MTUS2: variants seen among roughly 807,000 people sequenced by gnomAD.
MTUS2 encodes microtubule associated scaffold protein 2, also known as microtubule-associated tumor suppressor candidate 2.
MTUS2 carries 40 observed loss-of-function variants against 114.1 expected under a neutral mutation model. The observed-to-expected ratio is 0.35, with a 90% CI of 0.27 to 0.46. The LOEUF is 0.46. MTUS2 is among the 20% of genes least tolerant of loss of function. MTUS2 has a pLI of 1.00. For synonymous variants in MTUS2, 688 were observed against 672.0 expected, an observed-to-expected ratio of 1.02 and a Z score of -0.37; for missense variants, 1,679 against 1,705.4, an observed-to-expected ratio of 0.98 and a Z score of 0.27.
At chr13:29,093,437 A>G (rs1480783933) in intron 4 of MTUS2, among the ~76,000 whole-genome samples, 3 of 152,168 alleles carry the variant, frequency 2.0e-5, no homozygotes, top group Non-Finnish European at 2.9e-5. Context: ...GCAACACTCC[A>G]TCTCAAAAAA....
chr13:29,050,253 A>C (rs897323175), intron 4 of MTUS2, among the ~76,000 whole-genome samples: 5 of 152,110 alleles, frequency 3.3e-5, no homozygotes, highest in Non-Finnish European at 4.4e-5. Context: ...CTAGATACCC[A>C]ATCAGTTTTA....
At position 29,465,744 on chromosome 13, in the gene MTUS2, C is replaced by T. The variant is rs74983207; in HGVS notation, c.3185-14406C>T. On this transcript the variant is annotated intron_variant, in intron 9 of 15. Coordinates refer to ENST00000612955, the MANE Select transcript of MTUS2 (RefSeq NM_001033602.4). ...TTGGCAAGGGGCAGAGCCAGCCAGC[C>T]GGCATGCTGGGGGCTTCGTGAACAT... Among the ~76,000 whole-genome samples the T allele has an allele frequency of 2.6e-3, 394 of 152,300 alleles. 1 individual carries two copies. Among genetic ancestry groups the T allele is most frequent in the African/African-American group, 8.4e-3 (349 of 41,566 alleles).
chr13:29,053,211 A>G (rs572629358), intron 4 of MTUS2, among the ~76,000 whole-genome samples: 7 of 152,328 alleles, frequency 4.6e-5, no homozygotes, highest in Admixed American at 2.6e-4. Flanking sequence ...TGTATTTTAT[A>G]TAATCTGCCA....
intron 5 of MTUS2, among the ~76,000 whole-genome samples, chr13:29,196,651 C>T (rs1447239176): frequency 6.6e-6 from 1 of 152,122 alleles, no homozygotes; most frequent in Admixed American, 6.5e-5. Flanking sequence ...TGGCAACCAC[C>T]ATGCTACTAT....
Position 29,024,972 on chromosome 13 carries a change from T to C in MTUS2, c.274T>C (p.Ser92Pro). ...QGFGKGSQAGSASLKDFRLSS... is the reference protein window; with the variant it reads ...QGFGKGSQAGPASLKDFRLSS... ...CTTTGGGAAAGGCTCTCAGGCTGGC[T>C]CTGCCAGCCTGAAAGATTTTAGACT... is the stretch of plus-strand genomic sequence containing the variant. The change falls in exon 3 of 16, where the codon TCT becomes CCT. Residue 92 changes from serine (S) to proline (P), a missense_variant. Physicochemically the swap from Ser to Pro is moderately conservative, Grantham distance 74. Coordinates refer to ENST00000612955, the MANE Select transcript of MTUS2 (RefSeq NM_001033602.4). 3 of 1,612,536 alleles carry C rather than the reference T, an allele frequency of 1.9e-6. No homozygotes were observed. Among genetic ancestry groups the C allele is most frequent in the Non-Finnish European group, 1.7e-6 (2 of 1,179,496 alleles).
intron 2 of MTUS2, among the ~76,000 whole-genome samples, chr13:28,985,471 TTGTC>T (rs376606995): frequency 4.1e-4 from 62 of 152,320 alleles, no homozygotes; most frequent in African/African-American, 1.3e-3. Context: ...ATAAGTAGCA[TTGTC>T]TGTTGTCATT....
intron 2 of MTUS2, among the ~76,000 whole-genome samples, chr13:28,846,055 A>AAATATAT (rs140946282): frequency 1.4e-5 from 2 of 143,160 alleles, no homozygotes; most frequent in South Asian, 4.5e-4. Flanking sequence ...TTAAAAAAAA[A>AAATATAT]ATATATATAT....
chr13:29,194,967 T>C (rs1260800011), intron 5 of MTUS2, among the ~76,000 whole-genome samples: 3 of 149,582 alleles, frequency 2.0e-5, no homozygotes, highest in Admixed American at 6.7e-5. Context: ...AAATTGGAAA[T>C]CATCATTCTC....
intron 4 of MTUS2, among the ~76,000 whole-genome samples, chr13:29,051,817 G>C (rs997919653): frequency 3.3e-5 from 5 of 152,204 alleles, no homozygotes; most frequent in East Asian, 1.9e-4. Context: ...GCCAGAGAGA[G>C]GGAAGTTGAC....
At chr13:29,289,364 C>G (rs1020634687) in intron 6 of MTUS2, among the ~76,000 whole-genome samples, 2 of 152,126 alleles carry the variant, frequency 1.3e-5, no homozygotes, top group African/African-American at 4.8e-5. Flanking sequence ...TTTCATATTT[C>G]TCAGTCAGTT....
At chr13:29,428,671 C>A in intron 8 of MTUS2, 2 of 1,180,288 alleles carry the variant, frequency 1.7e-6, no homozygotes, top group Non-Finnish European at 2.1e-6. Context: ...TCTCATTCCT[C>A]TGCCTCCTGG....
At chr13:29,304,564 G>GTTTA (rs1899353064) in intron 6 of MTUS2, among the ~76,000 whole-genome samples, 1 of 152,150 alleles carries the variant, frequency 6.6e-6, no homozygotes, top group South Asian at 2.1e-4. Flanking sequence ...ATGGTAAAGG[G>GTTTA]TTTAATTCAA....
At chr13:28,987,666 C>T (rs903599494) in intron 2 of MTUS2, among the ~76,000 whole-genome samples, 1 of 152,182 alleles carries the variant, frequency 6.6e-6, no homozygotes, top group Non-Finnish European at 1.5e-5. Flanking sequence ...CTGATTGCTG[C>T]TGGGAGACCA....
chr13:29,187,626 T>C (rs1426454490), intron 5 of MTUS2, among the ~76,000 whole-genome samples: 1 of 152,160 alleles, frequency 6.6e-6, no homozygotes, highest in Non-Finnish European at 1.5e-5. Flanking sequence ...CATGGCAAAA[T>C]ACTTTGCATT....
chr13:29,068,417 G>A (rs1888759249), intron 4 of MTUS2, among the ~76,000 whole-genome samples: 1 of 151,958 alleles, frequency 6.6e-6, no homozygotes, highest in South Asian at 2.1e-4. Context: ...GCTCTGGAGT[G>A]TGAAGCACAG....
intron 9 of MTUS2, among the ~76,000 whole-genome samples, chr13:29,469,934 T>TG (rs1412852331): frequency 6.6e-6 from 1 of 152,122 alleles, no homozygotes; most frequent in Non-Finnish European, 1.5e-5. Flanking sequence ...TCATCCAGTT[T>TG]GGGGTCTGTG....
chr13:29,402,734 TAC>T (rs1178400925), intron 8 of MTUS2, among the ~76,000 whole-genome samples: 1 of 152,210 alleles, frequency 6.6e-6, no homozygotes, highest in African/African-American at 2.4e-5. Context: ...TTCCTTCCAA[TAC>T]ATACTTAAGA....
chr13:29,021,492 T>A (rs1170253096), intron 2 of MTUS2, among the ~76,000 whole-genome samples: 1 of 152,254 alleles, frequency 6.6e-6, no homozygotes, highest in South Asian at 2.1e-4. Flanking sequence ...TTGTGGACTT[T>A]GGTACTTTGT....
At position 28,908,218 on chromosome 13, in the gene MTUS2, G is replaced by A. The variant is rs1437868453; in HGVS notation, c.-243+68368G>A. ...AGGTTAGTTACATATGTATACATGT[G>A]CCATGTTGTTGTGCTGCACCCAGTA... is the stretch of plus-strand genomic sequence containing the variant. On this transcript the variant is annotated intron_variant, in intron 2 of 15. Coordinates refer to ENST00000612955, the MANE Select transcript of MTUS2 (RefSeq NM_001033602.4). Among the ~76,000 whole-genome samples, 3 of 151,366 alleles carry A rather than the reference G, an allele frequency of 2.0e-5. 1 individual carries two copies. The highest frequency in any genetic ancestry group is 4.4e-5 in the Non-Finnish European group (3 of 67,894).
Sources: allele counts gnomAD v4.1 joint callset (sites outside exome capture counted in the v4.1 genomes callset), GRCh38; gene constraint gnomAD v4.1.1; transcripts MANE v1.5; gene names NCBI Gene and HGNC (gene_info 2026-07-23, HGNC 2026-07-21).